Variants in DYNC2I1 observed in about 807,000 individuals in gnomAD.
DYNC2I1 encodes dynein 2 intermediate chain 1.
Under a neutral mutation model 133.4 loss-of-function variants are expected in DYNC2I1, and 89 were observed. That is an observed-to-expected ratio of 0.67 (90% CI 0.56 to 0.80). The LOEUF is 0.80. Ranked by LOEUF, DYNC2I1 falls within the 30% of genes least tolerant of loss-of-function variation. The pLI, the probability that DYNC2I1 is intolerant of heterozygous loss-of-function variation, is 0.00. For synonymous variants in DYNC2I1, 504 were observed against 484.3 expected (o/e 1.04, Z -0.54); for missense variants, 1,291 against 1,314.5 (o/e 0.98, Z 0.28).
chr7:158,889,036 T>TACACACACACACACACAC (rs71200077), intron 7 of DYNC2I1, among the ~76,000 whole-genome samples: 1 of 141,270 alleles, frequency 7.1e-6, no homozygotes, highest in African/African-American at 2.6e-5. Flanking sequence ...TTTAAACATT[T>TACACACACACACACACAC]ACACACACAC....
chr7:158,852,767 A>C (rs1477394792), upstream of DYNC2I1, among the ~76,000 whole-genome samples: 1 of 152,210 alleles, frequency 6.6e-6, no homozygotes, highest in Non-Finnish European at 1.5e-5. Context: ...AAATTTTATT[A>C]GCCATTTTAG....
At chr7:158,879,571 G>A (rs1843786600) in intron 4 of DYNC2I1, 113 bp from the exon 5 acceptor site, 2 of 1,155,640 alleles carry the variant, frequency 1.7e-6, no homozygotes, top group South Asian at 1.8e-5. Context: ...TTCTTCAAAT[G>A]TTTTTGATCC....
Position 158,871,483 on chromosome 7 carries a change from C to T in DYNC2I1, c.411C>T (p.Thr137=), listed in dbSNP as rs1044050657. 1.2e-5 allele frequency: 18 copies of T among 1,548,110 alleles called. No homozygotes were observed. The highest frequency in any genetic ancestry group is 2.0e-5 in the Admixed American group (1 of 50,980). The change falls in exon 3 of 25, where the codon ACC becomes ACT. Residue 137 remains threonine (T), a synonymous_variant. Transcript: ENST00000407559. ...RRARKEELRQ[T]VAHHNLLGQE... is the part of the protein sequence containing the mutation. ...CCCGGAAGGAAGAGCTCCGGCAGACCGTGGCCCACCACAACCTGCTGGGCC... is the reference window on the plus strand; with the variant it reads ...CCCGGAAGGAAGAGCTCCGGCAGACTGTGGCCCACCACAACCTGCTGGGCC...
At chr7:158,888,623 C>T (rs1042802677) in intron 7 of DYNC2I1, among the ~76,000 whole-genome samples, 1 of 152,088 alleles carries the variant, frequency 6.6e-6, no homozygotes, top group Admixed American at 6.6e-5. Context: ...GCATGCGCCA[C>T]CACACCCAGC....
chr7:158,892,792 T>A (rs976796607), intron 8 of DYNC2I1, among the ~76,000 whole-genome samples: 2 of 151,866 alleles, frequency 1.3e-5, no homozygotes, highest in Admixed American at 6.6e-5. Context: ...AATACAAAAA[T>A]TAGCTGGGTG....
upstream of DYNC2I1, among the ~76,000 whole-genome samples, chr7:158,855,939 CTTTTT>C (rs71200072): frequency 8.4e-6 from 1 of 119,286 alleles, no homozygotes; most frequent in African/African-American, 3.3e-5. Flanking sequence ...AAGCTCTTTT[CTTTTT>C]TTTTTTTTTT....
chr7:158,902,639 T>C (rs1329964611), intron 10 of DYNC2I1, 44 bp downstream of exon 10: 2 of 1,570,322 alleles, frequency 1.3e-6, no homozygotes, highest in Non-Finnish European at 1.7e-6. Flanking sequence ...CTCTTAGGGC[T>C]CTGTGTACTG....
chr7:158,888,949 TAC>T (rs936656682), intron 7 of DYNC2I1, among the ~76,000 whole-genome samples: 4 of 151,992 alleles, frequency 2.6e-5, no homozygotes, highest in African/African-American at 4.8e-5. Flanking sequence ...CAGAAAAAAA[TAC>T]CTACAAATAT....
At chr7:158,857,274 G>T (rs1264857822) in intron 1 of DYNC2I1, among the ~76,000 whole-genome samples, 5 of 152,190 alleles carry the variant, frequency 3.3e-5, no homozygotes, top group African/African-American at 1.2e-4. Flanking sequence ...AATAATAATA[G>T]CAACATTATA....
At chr7:158,874,746 C>T (rs842690) in intron 3 of DYNC2I1, among the ~76,000 whole-genome samples, 34,215 of 152,114 alleles carry the variant, frequency 0.22, 4,028 homozygotes, top group Middle Eastern at 0.28. Flanking sequence ...TTGTCTGTGT[C>T]CTTATTTCCA....
chr7:158,848,942 G>A, the DYNC2I1 span, among the ~76,000 whole-genome samples: 1 of 151,894 alleles, frequency 6.6e-6, no homozygotes, highest in East Asian at 1.9e-4. Context: ...AAAATTGGGT[G>A]GACCAAAGGG....
chr7:158,907,273 CTTTT>C (rs36062364), intron 11 of DYNC2I1, among the ~76,000 whole-genome samples: 50 of 99,724 alleles, frequency 5.0e-4, no homozygotes, highest in African/African-American at 1.7e-3. Flanking sequence ...CCATGGCCTT[CTTTT>C]TTTTTTTTTT....
chr7:158,955,319 G>A (rs923420416), intron 4 of DYNC2I1, among the ~76,000 whole-genome samples: 3 of 152,160 alleles, frequency 2.0e-5, no homozygotes, highest in African/African-American at 7.2e-5. Context: ...TGCAGGGATC[G>A]CAGCTCTGAC....
chr7:158,864,605 G>A (rs1842238377), intron 1 of DYNC2I1, among the ~76,000 whole-genome samples: 1 of 152,074 alleles, frequency 6.6e-6, no homozygotes, highest in Non-Finnish European at 1.5e-5. Context: ...GACCTCCTGG[G>A]CTCAAGTGAG....
At chr7:158,910,187 G>A (rs1847255100) in intron 11 of DYNC2I1, among the ~76,000 whole-genome samples, 1 of 152,262 alleles carries the variant, frequency 6.6e-6, no homozygotes, top group Non-Finnish European at 1.5e-5. Flanking sequence ...ACTTAGGAAA[G>A]GAAAACCCAG....
At position 158,902,508 on chromosome 7, in the gene DYNC2I1, A is replaced by G; in HGVS notation, c.1270A>G (p.Asn424Asp). ...KEIQEIQRAI[N>D]AENERIGELS... Reference sequence around the variant, plus strand: ...AATACAAGAAATTCAAAGAGCTATTAATGCAGAAAATGAAAGGATTGGCGA... The same window carrying G: ...AATACAAGAAATTCAAAGAGCTATTGATGCAGAAAATGAAAGGATTGGCGA... Residue 424 changes from asparagine to aspartate, a missense_variant, in exon 10 of 25, where the codon AAT becomes GAT. Asn to Asp is a conservative substitution (Grantham distance 23, BLOSUM62 1). Coordinates refer to ENST00000407559, the MANE Select transcript of DYNC2I1 (RefSeq NM_018051.5). The G allele has an allele frequency of 6.2e-7, 1 of 1,614,064 alleles. No homozygotes were observed. The highest frequency in any genetic ancestry group is 8.5e-7 in the Non-Finnish European group (1 of 1,179,886).
chr7:158,888,532 C>T lies in DYNC2I1; in HGVS notation c.990+1457C>T, dbSNP rs531800570. On this transcript the variant is annotated intron_variant, in intron 7 of 24. Transcript: ENST00000407559. ...TGTTGCCCAGGCTGGAGTGCAGTGGCGTGATCTCAGCTCACCTCAACCTCT... is the reference window on the plus strand; with the variant it reads ...TGTTGCCCAGGCTGGAGTGCAGTGGTGTGATCTCAGCTCACCTCAACCTCT... 6.6e-5 allele frequency among the ~76,000 whole-genome samples: 10 copies of T among 151,954 alleles called. No individual in the cohort carries two copies. In the East Asian group the frequency reaches 1.7e-3, roughly 26 times the overall value.
At chr7:158,845,629 G>A in the DYNC2I1 span, among the ~76,000 whole-genome samples, 61 of 152,228 alleles carry the variant, frequency 4.0e-4, no homozygotes, top group East Asian at 9.6e-3. Flanking sequence ...TAAAATGCCC[G>A]TATACTTAAC....
At chr7:158,914,528 A>G (rs530765143) in intron 14 of DYNC2I1, among the ~76,000 whole-genome samples, 1 of 152,364 alleles carries the variant, frequency 6.6e-6, no homozygotes, top group African/African-American at 2.4e-5. Context: ...GGGTAAATGT[A>G]TATCACTGAA....
Sources: allele counts gnomAD v4.1 joint callset (sites outside exome capture counted in the v4.1 genomes callset), GRCh38; gene constraint gnomAD v4.1.1; transcripts MANE v1.5; gene names NCBI Gene and HGNC (gene_info 2026-07-23, HGNC 2026-07-21).